Variants in TARP observed in about 807,000 individuals in gnomAD.
the TARP span, among the ~76,000 whole-genome samples, chr7:38,261,449 C>G: frequency 6.8e-6 from 1 of 147,576 alleles, no homozygotes; most frequent in Admixed American, 6.7e-5. Flanking sequence ...GAACACAGCC[C>G]AAGCCCTTCT....
chr7:38,262,297 A>G, the TARP span: 1 of 1,086,322 alleles, frequency 9.2e-7, no homozygotes, highest in South Asian at 1.4e-5. Context: ...AAACCTGTCG[A>G]CAGAGAGGCA....
At chr7:38,270,204 T>A in the TARP span, among the ~76,000 whole-genome samples, 1 of 152,050 alleles carries the variant, frequency 6.6e-6, no homozygotes, top group Non-Finnish European at 1.5e-5. Context: ...CATGACATTT[T>A]AACCCTATAG....
the TARP span, among the ~76,000 whole-genome samples, chr7:38,271,598 G>T: frequency 3.3e-5 from 5 of 151,034 alleles, no homozygotes; most frequent in Admixed American, 6.6e-5. Context: ...TATTACTTGG[G>T]GTAATGTCTC....
the TARP span, chr7:38,259,823 G>C: frequency 2.3e-6 from 1 of 427,864 alleles, no homozygotes; most frequent in Non-Finnish European, 4.3e-6. Context: ...TATAGCAGGC[G>C]CTATTTGGGT....
the TARP span, chr7:38,262,275 T>C: frequency 3.0e-6 from 4 of 1,333,068 alleles, no homozygotes; most frequent in Non-Finnish European, 4.3e-6. Flanking sequence ...TGTAATTAAA[T>C]GAATATTTAT....
At chr7:38,271,945 T>G in the TARP span, among the ~76,000 whole-genome samples, 1 of 151,434 alleles carries the variant, frequency 6.6e-6, no homozygotes. Flanking sequence ...CATTTGACTG[T>G]TTTACCTGTA....
At chr7:38,265,700 G>C in the TARP span, 1 of 1,486,684 alleles carries the variant, frequency 6.7e-7, no homozygotes, top group East Asian at 2.3e-5. Context: ...AATGAAATAT[G>C]AGTTTAAAAG....
At chr7:38,268,119 A>G in the TARP span, among the ~76,000 whole-genome samples, 1 of 151,588 alleles carries the variant, frequency 6.6e-6, no homozygotes, top group Non-Finnish European at 1.5e-5. Context: ...CTACTTTTAA[A>G]ATGTACATAT....
At chr7:38,264,393 C>G in the TARP span, among the ~76,000 whole-genome samples, 1 of 151,446 alleles carries the variant, frequency 6.6e-6, no homozygotes, top group Non-Finnish European at 1.5e-5. Flanking sequence ...GAATTTGAGA[C>G]CAGCCTGGCC....
chr7:38,263,577 A>G, the TARP span, among the ~76,000 whole-genome samples: 1 of 151,598 alleles, frequency 6.6e-6, no homozygotes, highest in African/African-American at 2.4e-5. Context: ...AGAAAGACAG[A>G]GGCCAAGTCA....
At chr7:38,264,353 G>A in the TARP span, among the ~76,000 whole-genome samples, 2 of 151,690 alleles carry the variant, frequency 1.3e-5, no homozygotes, top group South Asian at 4.1e-4. Context: ...AGCACTTGGA[G>A]GCCGAGGTGG....
the TARP span, chr7:38,262,236 A>G: frequency 1.3e-6 from 2 of 1,592,156 alleles, no homozygotes; most frequent in Admixed American, 3.3e-5. Flanking sequence ...AATGAGAGCA[A>G]GTACTAGTCA....
the TARP span, among the ~76,000 whole-genome samples, chr7:38,264,017 A>C: frequency 1.3e-5 from 2 of 152,078 alleles, no homozygotes; most frequent in African/African-American, 4.8e-5. Flanking sequence ...GCATTGATTG[A>C]GGTAAAAAGA....
At chr7:38,270,639 G>A in the TARP span, among the ~76,000 whole-genome samples, 2 of 151,492 alleles carry the variant, frequency 1.3e-5, no homozygotes, top group South Asian at 2.1e-4. Flanking sequence ...TACCCTTCAA[G>A]GCAGAATGGG....
At chr7:38,260,811 A>G in the TARP span, among the ~76,000 whole-genome samples, 1 of 151,322 alleles carries the variant, frequency 6.6e-6, no homozygotes, top group African/African-American at 2.4e-5. Context: ...TGTGTCCGTG[A>G]CTCCCTGCCC....
chr7:38,262,983 C>G, the TARP span, among the ~76,000 whole-genome samples: 1 of 151,410 alleles, frequency 6.6e-6, no homozygotes, highest in Non-Finnish European at 1.5e-5. Context: ...TCCTTGAATC[C>G]ACAACAGAAT....
At chr7:38,265,727 C>A in the TARP span, 2 of 1,335,360 alleles carry the variant, frequency 1.5e-6, no homozygotes, top group Non-Finnish European at 2.1e-6. Context: ...TAGAGAAACA[C>A]ACACATTGCA....
At chr7:38,271,428 C>A in the TARP span, among the ~76,000 whole-genome samples, 3 of 151,220 alleles carry the variant, frequency 2.0e-5, no homozygotes, top group African/African-American at 7.3e-5. Flanking sequence ...CTTTGTGTAA[C>A]TTCTCATATT....
chr7:38,269,675 C>G, the TARP span: 338 of 551,592 alleles, frequency 6.1e-4, 5 homozygotes, highest in South Asian at 8.0e-3. Flanking sequence ...TGTTGCTCCA[C>G]AAATCAAATA....
Sources: gnomAD v4.1 joint callset for allele counts (sites outside exome capture counted in the v4.1 genomes callset) on GRCh38, gnomAD v4.1.1 for gene constraint, MANE v1.5 for transcripts.